LIN37: variants seen among roughly 807,000 people sequenced by gnomAD.
The protein encoded by LIN37 is lin-37 DREAM MuvB core complex component.
A neutral mutation model predicts 38.0 loss-of-function variants in LIN37; 21 were observed. The ratio of observed to expected loss-of-function variants is 0.55; its 90% CI spans 0.39 to 0.80. The LOEUF is 0.80. Among genes scored for constraint, LIN37 ranks in the 30% least tolerant of loss-of-function variants. The probability of loss-of-function intolerance (pLI) is 0.00; values close to 1 mark genes in which losing one functional copy is unlikely to be tolerated. For synonymous variants in LIN37, 126 were observed against 122.9 expected (o/e 1.03, Z -0.17); for missense variants, 273 against 338.5 (o/e 0.81, Z 1.52).
At chr19:35,748,991 A>T (rs1970642348) in intron 1 of LIN37, 2 of 1,385,520 alleles carry the variant, frequency 1.4e-6, no homozygotes, top group Non-Finnish European at 1.9e-6. Flanking sequence ...GCGTGGTAGG[A>T]CATGGGGAAT....
chr19:35,753,831 T>C (rs1970713997), intron 6 of LIN37, 186 bp from the exon 7 acceptor site: 3 of 634,606 alleles, frequency 4.7e-6, no homozygotes, highest in Middle Eastern at 4.3e-4. Flanking sequence ...CAGGGGTCCC[T>C]GGGGCAGGCA....
chr19:35,753,852 G>A (rs2239947), intron 6 of LIN37, 165 bp from the exon 7 acceptor site: 30 of 720,662 alleles, frequency 4.2e-5, no homozygotes, highest in South Asian at 1.3e-4. Context: ...CACTTGACCC[G>A]CTGGCTGGTT....
rs539462842 is a variant in LIN37 at position 35,753,226 on chromosome 19, C to T, written c.417C>T (p.Pro139=). The T allele has an allele frequency of 2.6e-6, 4 of 1,555,062 alleles. No homozygotes were observed. Among genetic ancestry groups the T allele is most frequent in the East Asian group, 2.4e-5 (1 of 41,156 alleles). ...VRERECSPSS[P]LPPLPEDEEG... is the part of the protein sequence containing the mutation. ...AGCGTGAATGCTCTCCCAGCTCACC[C>T]CTGCCCCCGCTGCCTGAGGATGAGG... The change falls in exon 6 of 9, where the codon CCC becomes CCT. Residue 139 remains proline, a synonymous_variant. Transcript: ENST00000301159.
intron 1 of LIN37, among the ~76,000 whole-genome samples, chr19:35,751,393 G>A (rs1380039178): frequency 3.3e-5 from 5 of 152,194 alleles, no homozygotes; most frequent in Non-Finnish European, 7.3e-5. Flanking sequence ...CACTCAGGTT[G>A]AGCCTCTGTC....
Position 35,753,220 on chromosome 19 carries a change from C to G in LIN37, c.411C>G (p.Ser137Arg). 1 of 1,557,500 alleles carries G rather than the reference C, an allele frequency of 6.4e-7. No individual in the cohort carries two copies. The highest frequency in any genetic ancestry group is 8.7e-7 in the Non-Finnish European group (1 of 1,151,238). Reference protein sequence around the residue: ...PSVRERECSPSSPLPPLPEDE... With the variant: ...PSVRERECSPRSPLPPLPEDE... The stretch of plus-strand genomic sequence containing the variant: ...TGCGCGAGCGTGAATGCTCTCCCAG[C>G]TCACCCCTGCCCCCGCTGCCTGAGG... The change falls in exon 6 of 9, where the codon AGC becomes AGG. Residue 137 changes from serine (S) to arginine (R), a missense_variant. Coordinates refer to ENST00000301159, the MANE Select transcript of LIN37 (RefSeq NM_019104.3).
At chr19:35,752,332 C>A in intron 2 of LIN37, 81 bp downstream of exon 2, 4 of 1,574,764 alleles carry the variant, frequency 2.5e-6, no homozygotes, top group Non-Finnish European at 3.5e-6. Context: ...TGGGACCCCA[C>A]AGGCTGACTT....
chr19:35,753,887 C>T, intron 6 of LIN37, 130 bp from the exon 7 acceptor site: 1 of 1,055,432 alleles, frequency 9.5e-7, no homozygotes, highest in South Asian at 1.5e-5. Flanking sequence ...TCATACATGC[C>T]TCCTGTCTGA....
rs368622689 is a variant in LIN37, at chr19:35,753,180, G to A, written c.371G>A (p.Arg124His). Residue 124 changes from arginine to histidine, a missense_variant, in exon 6 of 9, where the codon CGC becomes CAC. Arg to His is a conservative substitution (Grantham distance 29). Coordinates refer to ENST00000301159, the MANE Select transcript of LIN37 (RefSeq NM_019104.3). ...TACCCAATCTGCCGCGCCTGGATGC[G>A]CAACAGCCCCTCTGTGCGCGAGCGT... The part of the protein sequence containing the change: ...PLYPICRAWM[R>H]NSPSVREREC... 14 of 1,582,146 alleles carry A rather than the reference G, an allele frequency of 8.8e-6. No homozygotes were observed. The highest frequency in any genetic ancestry group is 2.7e-5 in the African/African-American group (2 of 74,078).
At position 35,754,230 on chromosome 19, in the gene LIN37, C is replaced by T. The variant is rs780501806; in HGVS notation, c.586-16C>T. The T allele has an allele frequency of 6.2e-7, 1 of 1,614,018 alleles. No individual in the cohort carries two copies. The highest frequency in any genetic ancestry group is 1.7e-5 in the Admixed American group (1 of 60,032). ...CTCAGGAATGGCCACTCAACCTGGC[C>T]TGTCTGTCCATGCAGCCCTCTGAGC... On this transcript the variant is annotated splice_polypyrimidine_tract_variant and intron_variant, in intron 7 of 8. Transcript: ENST00000301159.
chr19:35,751,645 A>T (rs1402433218), intron 1 of LIN37, among the ~76,000 whole-genome samples: 3 of 152,238 alleles, frequency 2.0e-5, no homozygotes, highest in South Asian at 2.1e-4. Flanking sequence ...ACCGGACAAC[A>T]TCGTGATATC....
intron 6 of LIN37, chr19:35,753,522 C>T (rs1599737549): frequency 1.7e-6 from 1 of 575,238 alleles, no homozygotes; most frequent in East Asian, 3.0e-5. Flanking sequence ...TCAGGGGTTC[C>T]CAAGAGCCGA....
chr19:35,752,183 G>T lies in LIN37; in HGVS notation c.42G>T (p.Glu14Asp). Residue 14 changes from glutamate (E) to aspartate (D), a missense_variant, in exon 2 of 9, where the codon GAG becomes GAT. Transcript: ENST00000301159. The stretch of plus-strand genomic sequence containing the variant: ...GGTCCTCTCTTGCCCCAGAGCTGGA[G>T]ATGGCCAAAGCCCGGAACCAACTGG... ...VKVKVEKSEL[E>D]MAKARNQLDA... 1 of 1,599,642 alleles carries T rather than the reference G, an allele frequency of 6.3e-7. No individual in the cohort carries two copies. Among genetic ancestry groups the T allele is most frequent in the Non-Finnish European group, 8.5e-7 (1 of 1,173,412 alleles).
In LIN37 at chr19:35,750,180, G is replaced by A. The variant is rs570524601; in HGVS notation, c.34+1422G>A. Among the ~76,000 whole-genome samples, 8 of 152,188 alleles carry A rather than the reference G, an allele frequency of 5.3e-5. No individual in the cohort carries two copies. The South Asian group carries it at 1.7e-3, about 32-fold the overall frequency. ...TGGGCTGGGTAGGGGAGGGAGAGGG[G>A]TATCCATGGTGAGGTACAGGGAGGG... On this transcript the variant is annotated intron_variant, in intron 1 of 8. Transcript: ENST00000301159.
Position 35,752,197 on chromosome 19 carries a change from G to A in LIN37, c.56G>A (p.Arg19Gln), listed in dbSNP as rs913798209. The change falls in exon 2 of 9, where the codon CGG (arginine) becomes CAG (glutamine). Residue 19 changes from arginine to glutamine, a missense_variant. Physicochemically the swap from Arg to Gln is conservative, Grantham distance 43. Coordinates refer to ENST00000301159, the MANE Select transcript of LIN37 (RefSeq NM_019104.3). ...EKSELEMAKA[R>Q]NQLDAVLQCL... The stretch of plus-strand genomic sequence containing the variant: ...CCAGAGCTGGAGATGGCCAAAGCCC[G>A]GAACCAACTGGATGCTGTCTTGCAG... The A allele has an allele frequency of 1.4e-5, 22 of 1,604,358 alleles. No homozygotes were observed. The highest frequency in any genetic ancestry group is 1.8e-5 in the Non-Finnish European group (21 of 1,175,700).
chr19:35,752,395 C>A, intron 2 of LIN37, 39 bp from the exon 3 acceptor site: 2 of 1,611,110 alleles, frequency 1.2e-6, no homozygotes, highest in Non-Finnish European at 1.7e-6. Context: ...TTCTCTGGGG[C>A]CCTGGAACCC....
intron 1 of LIN37, among the ~76,000 whole-genome samples, chr19:35,751,417 T>G (rs1970680160): frequency 6.6e-6 from 1 of 152,260 alleles, no homozygotes; most frequent in Non-Finnish European, 1.5e-5. Context: ...TAACTTCAGC[T>G]TTGGAACCAG....
chr19:35,750,721 G>A lies in LIN37; in HGVS notation c.35-1455G>A, dbSNP rs546986760. 2.6e-5 allele frequency among the ~76,000 whole-genome samples: 4 copies of A among 152,284 alleles called. No homozygotes were observed. The East Asian group carries it at 7.7e-4, about 29-fold the overall frequency. On this transcript the variant is annotated intron_variant, in intron 1 of 8. Transcript: ENST00000301159. ...CTTCTGCCTGTAATCCAGCACTTTGGGAGGCTGAGGCAGGTGGATCATGAG... is the reference window on the plus strand; with the variant it reads ...CTTCTGCCTGTAATCCAGCACTTTGAGAGGCTGAGGCAGGTGGATCATGAG...
In LIN37 at chr19:35,752,380, C is replaced by T; in HGVS notation, c.111-54C>T. 6 of 1,604,482 alleles carry T rather than the reference C, an allele frequency of 3.7e-6. No individual in the cohort carries two copies. In the South Asian group the frequency reaches 6.6e-5, roughly 18 times the overall value. ...GCTTAATGGGGAGGCTGCTCGGTGC[C>T]TTCCTTCTCTGGGGCCCTGGAACCC... On this transcript the variant is annotated intron_variant, in intron 2 of 8. Coordinates refer to ENST00000301159, the MANE Select transcript of LIN37 (RefSeq NM_019104.3).
chr19:35,753,745 G>T, intron 6 of LIN37: 1 of 564,944 alleles, frequency 1.8e-6, no homozygotes, highest in Non-Finnish European at 3.2e-6. Flanking sequence ...CCCTAGACAG[G>T]ATTCCCTGAG....
Sources: allele counts gnomAD v4.1 joint callset (sites outside exome capture counted in the v4.1 genomes callset), GRCh38; gene constraint gnomAD v4.1.1; transcripts MANE v1.5; gene names NCBI Gene and HGNC (gene_info 2026-07-23, HGNC 2026-07-21).